The following MANBA variants were observed in gnomAD, a reference collection of about 807,000 sequenced individuals.
The protein encoded by MANBA is mannosidase beta, also known as beta-mannosidase.
A neutral mutation model predicts 111.1 loss-of-function variants in MANBA; 83 were observed. The observed-to-expected ratio is 0.75, with a 90% CI of 0.63 to 0.90. MANBA has a LOEUF of 0.90. MANBA is among the 40% of genes least tolerant of loss of function. MANBA has a pLI of 0.00. For synonymous variants in MANBA, 370 were observed against 378.7 expected (o/e 0.98, Z 0.27); for missense variants, 1,036 against 1,069.0 (o/e 0.97, Z 0.43).
At chr4:102,685,852 G>A (rs755402275) in intron 7 of MANBA, among the ~76,000 whole-genome samples, 5 of 152,086 alleles carry the variant, frequency 3.3e-5, no homozygotes, top group Admixed American at 6.6e-5. Flanking sequence ...CACCCAGTTC[G>A]TACATAGTCT....
chr4:102,668,696 G>T, intron 10 of MANBA: 1 of 432,710 alleles, frequency 2.3e-6, no homozygotes, highest in Non-Finnish European at 4.3e-6. Flanking sequence ...AAACCTCCAA[G>T]CAGAGGCACC....
Position 102,723,421 on chromosome 4 carries a change from G to A in MANBA, c.379-380C>T, listed in dbSNP as rs543866376. On this transcript the variant is annotated intron_variant, in intron 3 of 16. Transcript: ENST00000647097. ...ACACTTCATGACAACCTGCCTCTCC[G>A]GTATGAACAGCATGCATTTCTAAGT... Among the ~76,000 whole-genome samples the A allele has an allele frequency of 2.8e-4, 42 of 152,200 alleles. 1 individual carries two copies. The highest frequency in any genetic ancestry group is 2.3e-3 in the South Asian group (11 of 4,820).
intron 1 of MANBA, chr4:102,751,377 A>C: frequency 2.5e-6 from 1 of 395,508 alleles, no homozygotes; most frequent in South Asian, 1.9e-5. Context: ...TACTAACCCA[A>C]AAGTCTTGTG....
chr4:102,661,568 C>A (rs1020966143), intron 11 of MANBA, among the ~76,000 whole-genome samples: 4 of 152,314 alleles, frequency 2.6e-5, no homozygotes, highest in Admixed American at 1.3e-4. Context: ...AGAAGAAGGC[C>A]AGTCAATTGG....
rs1476474920 is a variant in MANBA, at chr4:102,729,041, A to G, written c.178-2358T>C. On this transcript the variant is annotated intron_variant, in intron 1 of 16. Coordinates refer to ENST00000647097, the MANE Select transcript of MANBA (RefSeq NM_005908.4). ...GATGTCCAGGGCCAGCTTGATGTTC[A>G]TCAGTTCCTGGTACTCAAGCAGTTG... 3 of 908,724 alleles carry G rather than the reference A, an allele frequency of 3.3e-6. No individual in the cohort carries two copies. The South Asian group carries it at 3.9e-5, about 12-fold the overall frequency. The allele number at this position is 908,724 out of a possible 1,614,324, so 56.3% of individuals were successfully genotyped here. A position where few individuals can be genotyped will look rare whatever the true frequency, so the allele number is the denominator to read the frequency against.
intron 1 of MANBA, among the ~76,000 whole-genome samples, chr4:102,750,870 G>A (rs945171773): frequency 1.3e-5 from 2 of 151,986 alleles, no homozygotes; most frequent in African/African-American, 2.4e-5. Context: ...CCATGACCAC[G>A]CCACTGCACT....
chr4:102,675,403 A>G (rs1423002435), intron 7 of MANBA, among the ~76,000 whole-genome samples: 1 of 152,150 alleles, frequency 6.6e-6, no homozygotes, highest in Non-Finnish European at 1.5e-5. Context: ...TTATGGTATG[A>G]AGCAGTGCAT....
intron 12 of MANBA, among the ~76,000 whole-genome samples, chr4:102,655,986 C>T (rs1730541205): frequency 6.6e-6 from 1 of 152,126 alleles, no homozygotes; most frequent in Admixed American, 6.5e-5. Flanking sequence ...TGCATAGTGG[C>T]TCACACCTGT....
chr4:102,728,228 T>C (rs1467266007), intron 1 of MANBA: 5 of 537,496 alleles, frequency 9.3e-6, no homozygotes, highest in African/African-American at 1.9e-5. Flanking sequence ...GAGCCTTTTT[T>C]CTTTGGCAGC....
chr4:102,682,219 T>TA (rs1263735933), intron 7 of MANBA, among the ~76,000 whole-genome samples: 11 of 149,114 alleles, frequency 7.4e-5, no homozygotes, highest in African/African-American at 2.2e-4. Context: ...GGACTGGTAA[T>TA]AAAAATGTGC....
chr4:102,681,265 G>C (rs1354723274), intron 7 of MANBA, among the ~76,000 whole-genome samples: 1 of 152,092 alleles, frequency 6.6e-6, no homozygotes, highest in Non-Finnish European at 1.5e-5. Context: ...AGGATCACTG[G>C]GGCCCAGGAG....
At position 102,671,358 on chromosome 4, in the gene MANBA, T is replaced by A. The variant is rs754266976; in HGVS notation, c.1153A>T (p.Asn385Tyr). The A allele has an allele frequency of 2.5e-6, 4 of 1,608,964 alleles. No individual in the cohort carries two copies. Among genetic ancestry groups the A allele is most frequent in the Non-Finnish European group, 3.4e-6 (4 of 1,175,496 alleles). Residue 385 changes from asparagine to tyrosine, a missense_variant, in exon 9 of 17, where the codon AAT becomes TAT. Asn to Tyr is a moderately radical substitution (Grantham distance 143). Coordinates refer to ENST00000647097, the MANE Select transcript of MANBA (RefSeq NM_005908.4). ...CCTCCTCCCCAAACCCGAAGAGTAT[T>A]CATATTAGCATCCACAACAGACTGT... ...LLQSVVDANM[N>Y]TLRVWGGGIY...
chr4:102,656,406 G>A (rs1415932419), intron 12 of MANBA, among the ~76,000 whole-genome samples: 3 of 152,138 alleles, frequency 2.0e-5, no homozygotes, highest in African/African-American at 4.8e-5. Flanking sequence ...CCAGGGAAAT[G>A]TGAAGAAAAA....
chr4:102,721,273 G>C (rs780298674), intron 4 of MANBA, among the ~76,000 whole-genome samples: 2 of 152,112 alleles, frequency 1.3e-5, no homozygotes, highest in Non-Finnish European at 2.9e-5. Context: ...GCAGTGAGCC[G>C]AGATCTCGCT....
At chr4:102,709,528 C>A (rs1333640665) in intron 5 of MANBA, among the ~76,000 whole-genome samples, 1 of 151,862 alleles carries the variant, frequency 6.6e-6, no homozygotes, top group Non-Finnish European at 1.5e-5. Context: ...GAAAAAAATC[C>A]AGGACTGGAT....
intron 13 of MANBA, among the ~76,000 whole-genome samples, chr4:102,646,347 C>T (rs970879944): frequency 6.6e-6 from 1 of 152,062 alleles, no homozygotes; most frequent in Non-Finnish European, 1.5e-5. Context: ...GTGCTACTTA[C>T]CAAACAAATA....
At position 102,747,228 on chromosome 4, in the gene MANBA, G is replaced by A. The variant is rs576879221; in HGVS notation, c.177+13490C>T. On this transcript the variant is annotated intron_variant, in intron 1 of 16. Transcript: ENST00000647097. ...ACATGATCACAAGGTCCCATAACAC[G>A]CCATCTGCAAGCTGAGAAGCAAGGA... Among the ~76,000 whole-genome samples, 96 of 151,850 alleles carry A rather than the reference G, an allele frequency of 6.3e-4. 1 individual carries two copies. The highest frequency in any genetic ancestry group is 2.3e-3 in the African/African-American group (93 of 41,242).
At chr4:102,676,195 G>A (rs56808363) in intron 7 of MANBA, among the ~76,000 whole-genome samples, 8,042 of 152,150 alleles carry the variant, frequency 0.053, 663 homozygotes, top group African/African-American at 0.18. Context: ...CTTTTTGTGC[G>A]TTATGCAATG....
At chr4:102,660,052 A>G (rs1730856660) in intron 11 of MANBA, among the ~76,000 whole-genome samples, 1 of 152,124 alleles carries the variant, frequency 6.6e-6, no homozygotes, top group Non-Finnish European at 1.5e-5. Context: ...GTTCACCACC[A>G]CACATTGCTG....
Sources: gnomAD v4.1 joint callset for allele counts (sites outside exome capture counted in the v4.1 genomes callset) on GRCh38, gnomAD v4.1.1 for gene constraint, MANE v1.5 for transcripts, NCBI Gene and HGNC (gene_info 2026-07-23, HGNC 2026-07-21) for gene names.